ASCC3: variants seen among roughly 807,000 people sequenced by gnomAD.
ASCC3 encodes the protein activating signal cointegrator 1 complex subunit 3.
ASCC3 carries 158 observed loss-of-function variants against 256.3 expected under a neutral mutation model. That is an observed-to-expected ratio of 0.62 (90% confidence interval 0.54 to 0.70). ASCC3 has a LOEUF of 0.70. Among genes scored for constraint, ASCC3 ranks in the 30% least tolerant of loss-of-function variants. The pLI is 0.00. For synonymous variants in ASCC3, 948 were observed against 883.4 expected, an observed-to-expected ratio of 1.07 and a Z score of -1.30; for missense variants, 2,259 against 2,626.0, an observed-to-expected ratio of 0.86 and a Z score of 3.05.
At chr6:100,580,907 T>A (rs1771201282) in intron 36 of ASCC3, among the ~76,000 whole-genome samples, 1 of 152,118 alleles carries the variant, frequency 6.6e-6, no homozygotes, top group African/African-American at 2.4e-5. Context: ...ACAAAGGACA[T>A]GAACTCATCA....
chr6:100,509,365 A>G lies in ASCC3; in HGVS notation c.*21T>C, dbSNP rs1008713342. Reference sequence around the variant, plus strand: ...GAGAGAATTCTTAGCCACTCCTTTCAAATGGATTGTTCAGGTCAAGTTACT... The same window carrying G: ...GAGAGAATTCTTAGCCACTCCTTTCGAATGGATTGTTCAGGTCAAGTTACT... On this transcript the variant is annotated 3_prime_UTR_variant, in exon 42 of 42. Transcript: ENST00000369162. 2.5e-6 allele frequency: 4 copies of G among 1,613,756 alleles called. No individual in the cohort carries two copies. In the African/African-American group the frequency reaches 5.3e-5, roughly 22 times the overall value.
At chr6:100,820,543 C>G (rs1770986504) in intron 4 of ASCC3, among the ~76,000 whole-genome samples, 1 of 151,818 alleles carries the variant, frequency 6.6e-6, no homozygotes, top group Non-Finnish European at 1.5e-5. Flanking sequence ...CAGAAGAAAA[C>G]ATAGGAATAA....
At position 100,512,058 on chromosome 6, in the gene ASCC3, A is replaced by T. The variant is rs1167094165; in HGVS notation, c.6285+651T>A. Among the ~76,000 whole-genome samples, 2 of 152,070 alleles carry T rather than the reference A, an allele frequency of 1.3e-5. 1 individual carries two copies. Among genetic ancestry groups the T allele is most frequent in the East Asian group, 3.8e-4 (2 of 5,200 alleles). ...TACTAATATTCTTAGAGGACCAGAT[A>T]ATCAGAGGCAACAGAAAAGAGCATA... On this transcript the variant is annotated intron_variant, in intron 40 of 41. Transcript: ENST00000369162.
intron 13 of ASCC3, among the ~76,000 whole-genome samples, chr6:100,699,424 C>T (rs577514137): frequency 1.3e-5 from 2 of 152,282 alleles, no homozygotes; most frequent in African/African-American, 4.8e-5. Context: ...GAGGCCTCCT[C>T]AGCCATGTGG....
intron 8 of ASCC3, among the ~76,000 whole-genome samples, chr6:100,797,915 G>A (rs1371673421): frequency 6.6e-6 from 1 of 152,110 alleles, no homozygotes; most frequent in East Asian, 1.9e-4. Flanking sequence ...AAAGACACAT[G>A]TAACTATATA....
intron 13 of ASCC3, among the ~76,000 whole-genome samples, chr6:100,708,721 T>A (rs539476665): frequency 4.9e-4 from 75 of 152,212 alleles, no homozygotes; most frequent in Non-Finnish European, 8.1e-4. Flanking sequence ...ATATTGCCCA[T>A]GTCAACAGGC....
rs201908839 is a variant in ASCC3 at position 100,587,084 on chromosome 6, CA to C, written c.5550+2549del. On this transcript the variant is annotated intron_variant, in intron 36 of 41. Transcript: ENST00000369162. ...ATGACTTTCTTAAGTATTATAATAACAAAAGCAATGATAATGGAAACAGATC... is the reference window on the plus strand; with the variant it reads ...ATGACTTTCTTAAGTATTATAATAACAAAGCAATGATAATGGAAACAGATC... Among the ~76,000 whole-genome samples the C allele has an allele frequency of 6.9e-3, 1,054 of 152,116 alleles. 5 individuals are homozygous for C. Among genetic ancestry groups the C allele is most frequent in the Middle Eastern group, 0.01 (3 of 294 alleles).
chr6:100,801,069 C>T (rs569278726), intron 5 of ASCC3, among the ~76,000 whole-genome samples: 6 of 151,946 alleles, frequency 3.9e-5, no homozygotes, highest in South Asian at 2.1e-4. Context: ...CACCTTTTTA[C>T]GGAAACACAG....
chr6:100,703,265 A>T (rs971046864), intron 13 of ASCC3, among the ~76,000 whole-genome samples: 1 of 152,132 alleles, frequency 6.6e-6, no homozygotes, highest in African/African-American at 2.4e-5. Flanking sequence ...AAATATTTGG[A>T]AAACACTATA....
intron 27 of ASCC3, 23 bp from the exon 28 acceptor site, chr6:100,628,010 T>G (rs1405991169): frequency 6.2e-7 from 1 of 1,611,280 alleles, no homozygotes; most frequent in South Asian, 1.1e-5. Flanking sequence ...GAAAAATCAA[T>G]GTTAATCATT....
At chr6:100,577,300 G>C (rs1382661044) in intron 36 of ASCC3, among the ~76,000 whole-genome samples, 3 of 151,848 alleles carry the variant, frequency 2.0e-5, no homozygotes, top group Non-Finnish European at 4.4e-5. Flanking sequence ...AAATCAGATG[G>C]AACCTCCTAC....
chr6:100,880,587 CATT>C (rs1256742151), intron 1 of ASCC3, among the ~76,000 whole-genome samples: 17 of 151,690 alleles, frequency 1.1e-4, no homozygotes, highest in Non-Finnish European at 2.1e-4. Flanking sequence ...TTCAAAATGA[CATT>C]ATAGGCTCCT....
At chr6:100,788,595 T>C (rs1036287586) in intron 8 of ASCC3, among the ~76,000 whole-genome samples, 6 of 151,634 alleles carry the variant, frequency 4.0e-5, no homozygotes, top group Non-Finnish European at 5.9e-5. Context: ...GAAGTACGGA[T>C]ACAAAATGTA....
intron 4 of ASCC3, among the ~76,000 whole-genome samples, chr6:100,821,694 C>T (rs1173053141): frequency 1.3e-5 from 2 of 151,692 alleles, no homozygotes; most frequent in African/African-American, 4.8e-5. Context: ...CGTGGTGGCA[C>T]GAGCCTGTAA....
At chr6:100,777,520 G>T (rs1001505922) in intron 8 of ASCC3, among the ~76,000 whole-genome samples, 33 of 152,056 alleles carry the variant, frequency 2.2e-4, no homozygotes, top group African/African-American at 6.8e-4. Flanking sequence ...TGTTTCAAAT[G>T]CTCCTATGAA....
In ASCC3 at chr6:100,737,559, T is replaced by G. The variant is rs117702710; in HGVS notation, c.1738-11856A>C. 7.4e-3 allele frequency among the ~76,000 whole-genome samples: 1,120 copies of G among 152,302 alleles called. 32 individuals are homozygous for G. The East Asian group carries it at 0.076, about 10-fold the overall frequency. The stretch of plus-strand genomic sequence containing the variant: ...CCATGTCCCTGCAAAGGGTATGATC[T>G]CATTCCTTTTTATGGCTGCACAGTA... On this transcript the variant is annotated intron_variant, in intron 10 of 41. Transcript: ENST00000369162.
At chr6:100,868,533 C>T (rs1773586126) in intron 1 of ASCC3, among the ~76,000 whole-genome samples, 1 of 152,204 alleles carries the variant, frequency 6.6e-6, no homozygotes. Context: ...AAACAGGCGA[C>T]CCAGTCGCTG....
intron 4 of ASCC3, among the ~76,000 whole-genome samples, chr6:100,825,545 T>A (rs1771262369): frequency 6.6e-6 from 1 of 152,214 alleles, no homozygotes. Flanking sequence ...AGTTTTTCCA[T>A]CATTTCAACC....
chr6:100,783,217 C>T (rs1429979512), intron 8 of ASCC3, among the ~76,000 whole-genome samples: 2 of 152,106 alleles, frequency 1.3e-5, no homozygotes, highest in Non-Finnish European at 2.9e-5. Context: ...TTATTCTACA[C>T]CATATGTCCC....
Sources: gnomAD v4.1 joint callset for allele counts (sites outside exome capture counted in the v4.1 genomes callset) on GRCh38, gnomAD v4.1.1 for gene constraint, MANE v1.5 for transcripts, NCBI Gene and HGNC (gene_info 2026-07-23, HGNC 2026-07-21) for gene names.